Variants in CACNA1C observed in about 807,000 individuals in gnomAD.
CACNA1C encodes the protein voltage-dependent L-type calcium channel subunit alpha-1C.
Under a neutral mutation model 229.0 loss-of-function variants are expected in CACNA1C, and 30 were observed. That is an observed-to-expected ratio of 0.13 (90% confidence interval 0.10 to 0.18). The LOEUF (loss-of-function observed/expected upper bound fraction) is 0.18. Among genes scored for constraint, CACNA1C ranks in the 10% least tolerant of loss-of-function variants. The pLI, the probability that CACNA1C is intolerant of heterozygous loss-of-function variation, is 1.00. For synonymous variants in CACNA1C, 1,114 were observed against 1,132.5 expected (o/e 0.98, Z 0.33); for missense variants, 1,658 against 2,845.0 (o/e 0.58, Z 9.49).
chr12:2,457,258 A>T (rs537878697), intron 4 of CACNA1C, among the ~76,000 whole-genome samples: 34 of 152,332 alleles, frequency 2.2e-4, no homozygotes, highest in African/African-American at 8.2e-4. Context: ...GACTGGCAAC[A>T]GACTTCACCT....
intron 3 of CACNA1C, among the ~76,000 whole-genome samples, chr12:2,340,712 C>T (rs182697219): frequency 2.0e-5 from 3 of 152,300 alleles, no homozygotes; most frequent in African/African-American, 7.2e-5. Context: ...AATCCCAGCA[C>T]TTTGGGAGGC....
intron 3 of CACNA1C, among the ~76,000 whole-genome samples, chr12:2,135,208 C>G (rs919825260): frequency 6.9e-6 from 1 of 144,746 alleles, no homozygotes; most frequent in Non-Finnish European, 1.5e-5. Flanking sequence ...ATACATTCTT[C>G]TAAATTTTTT....
At position 2,597,175 on chromosome 12, in the gene CACNA1C, C is replaced by T. The variant is rs2068717402; in HGVS notation, c.2794-55C>T. 1 of 1,155,868 alleles carries T rather than the reference C, an allele frequency of 8.7e-7. No individual in the cohort carries two copies. Among genetic ancestry groups the T allele is most frequent in the African/African-American group, 1.5e-5 (1 of 66,132 alleles). The allele number at this position is 1,155,868 out of a possible 1,614,324, so 71.6% of individuals were successfully genotyped here. Reference sequence around the variant, plus strand: ...AACATCCACTGACCTCTCTTCCCGTCCTGCTTTTCTCCCTTCCCCATCCCA... The same window carrying T: ...AACATCCACTGACCTCTCTTCCCGTTCTGCTTTTCTCCCTTCCCCATCCCA... On this transcript the variant is annotated intron_variant, in intron 20 of 46. Transcript: ENST00000399655. This position sits in a 1 kb window ranked among gnomAD's most constrained non-coding sequence, Gnocchi z 4.3.
intron 3 of CACNA1C, among the ~76,000 whole-genome samples, chr12:2,281,972 T>C (rs1326668317): frequency 1.3e-5 from 2 of 152,222 alleles, no homozygotes; most frequent in Non-Finnish European, 2.9e-5. Flanking sequence ...TTTAATTCTT[T>C]TTTTTCTATG....
At chr12:2,418,145 T>C (rs111416972) in intron 3 of CACNA1C, among the ~76,000 whole-genome samples, 1,724 of 152,256 alleles carry the variant, frequency 0.011, 32 homozygotes, top group African/African-American at 0.04. Context: ...CATAGACAGA[T>C]AGGCAGAACC....
At chr12:2,525,685 A>G (rs2099817428) in intron 9 of CACNA1C, among the ~76,000 whole-genome samples, 1 of 152,226 alleles carries the variant, frequency 6.6e-6, no homozygotes. Context: ...CTCCTGGGGA[A>G]AAAGTCGAGT....
rs2097785539 is a variant in CACNA1C, at chr12:2,691,298, G to A, written c.*99G>A. 3 of 1,209,904 alleles carry A rather than the reference G, an allele frequency of 2.5e-6. No individual in the cohort carries two copies. Among genetic ancestry groups the A allele is most frequent in the Admixed American group, 3.2e-5 (1 of 30,822 alleles). 74.9% of individuals were successfully genotyped at this position (1,209,904 alleles called of 1,614,324 possible). ...CTGTTCTCGTGACCTGGAGTTAACC[G>A]GAACAGCGTCTTCATTCATTTCTGT... On this transcript the variant is annotated 3_prime_UTR_variant, in exon 47 of 47. Coordinates refer to ENST00000399655, the MANE Select transcript of CACNA1C (RefSeq NM_000719.7).
At chr12:2,499,598 T>A (rs1451032213) in intron 7 of CACNA1C, among the ~76,000 whole-genome samples, 1 of 152,232 alleles carries the variant, frequency 6.6e-6, no homozygotes, top group East Asian at 1.9e-4. Flanking sequence ...ATAGTGTTCA[T>A]TCAATGCTCC....
chr12:2,370,928 C>T (rs540133703), intron 3 of CACNA1C, among the ~76,000 whole-genome samples: 1 of 152,200 alleles, frequency 6.6e-6, no homozygotes, highest in South Asian at 2.1e-4. Flanking sequence ...GTCTGCTCTC[C>T]AAGTTTAAAG....
At chr12:2,020,862 C>A (rs1439209052) in intron 1 of CACNA1C, among the ~76,000 whole-genome samples, 2 of 152,164 alleles carry the variant, frequency 1.3e-5, no homozygotes, top group Non-Finnish European at 2.9e-5. Flanking sequence ...ATGAAGAACT[C>A]ATTAGCTCCT....
In CACNA1C at chr12:2,387,357, C is replaced by T. The variant is rs529501771; in HGVS notation, c.478-61619C>T. Among the ~76,000 whole-genome samples the T allele has an allele frequency of 2.0e-5, 3 of 152,148 alleles. No homozygotes were observed. In the South Asian group the frequency reaches 6.2e-4, roughly 32 times the overall value. ...AAAATTAGTCAGGCGTGGTGGCAGG[C>T]GCCTGTAATCCCAGCCATCCAGGAG... On this transcript the variant is annotated intron_variant, in intron 3 of 46. Coordinates refer to ENST00000399655, the MANE Select transcript of CACNA1C (RefSeq NM_000719.7).
chr12:2,325,408 A>T (rs925288513), intron 3 of CACNA1C, among the ~76,000 whole-genome samples: 6 of 152,236 alleles, frequency 3.9e-5, no homozygotes, highest in Admixed American at 3.9e-4. Context: ...GACTCCTGGA[A>T]CCAATCCTAA....
At chr12:1,991,448 G>T (rs1421047506) in intron 1 of CACNA1C, 1 of 213,438 alleles carries the variant, frequency 4.7e-6, no homozygotes, top group African/African-American at 2.3e-5. Flanking sequence ...AAAATACAAA[G>T]AAGCAAGTGA....
At chr12:2,501,133 C>G (rs113743006) in intron 7 of CACNA1C, among the ~76,000 whole-genome samples, 1 of 136,796 alleles carries the variant, frequency 7.3e-6, no homozygotes, top group South Asian at 2.3e-4. Context: ...GGCATGAACC[C>G]AGGAGGTGGA....
rs756309007 is a variant in CACNA1C at position 2,677,759 on chromosome 12, C to T, written c.4983C>T (p.Ile1661=). The change falls in exon 41 of 47, where the codon ATC becomes ATT. Residue 1661 remains isoleucine (I), a synonymous_variant. Coordinates refer to ENST00000399655, the MANE Select transcript of CACNA1C (RefSeq NM_000719.7). This position sits in a 1 kb window ranked among gnomAD's most constrained non-coding sequence, Gnocchi z 7.4. Reference sequence around the variant, plus strand: ...CTGGCTTGCGCACACTGCATGACATCGGGCCTGAGATCCGACGGGCCATCT... The same window carrying T: ...CTGGCTTGCGCACACTGCATGACATTGGGCCTGAGATCCGACGGGCCATCT... ...LQAGLRTLHD[I]GPEIRRAISG... 6.2e-6 allele frequency: 10 copies of T among 1,613,592 alleles called. No individual in the cohort carries two copies. The highest frequency in any genetic ancestry group is 5.3e-5 in the African/African-American group (4 of 74,924).
intron 3 of CACNA1C, among the ~76,000 whole-genome samples, chr12:2,393,572 CCT>C (rs1479846166): frequency 3.9e-5 from 6 of 152,192 alleles, no homozygotes; most frequent in African/African-American, 1.4e-4. Flanking sequence ...CTTCTCCGAG[CCT>C]CTGTTTCTAG....
At chr12:2,115,638 G>A (rs1045956179) in intron 2 of CACNA1C, 93 bp downstream of exon 2, 167 of 1,270,390 alleles carry the variant, frequency 1.3e-4, no homozygotes, top group Non-Finnish European at 7.1e-5. Context: ...TGTGTCAGCT[G>A]TGCTGGGCTA....
chr12:2,215,957 C>CG lies in CACNA1C; in HGVS notation c.477+95528dup, dbSNP rs1283560611. 1.3e-5 allele frequency among the ~76,000 whole-genome samples: 2 copies of CG among 152,170 alleles called. No individual in the cohort carries two copies. The highest frequency in any genetic ancestry group is 2.9e-5 in the Non-Finnish European group (2 of 68,024). Reference sequence around the variant, plus strand: ...CATCCTGTTCTCGAAGTCACCATGCCGCCCATCAGTTGACATGCTCTGTTG... The same window carrying CG: ...CATCCTGTTCTCGAAGTCACCATGCCGGCCCATCAGTTGACATGCTCTGTTG... On this transcript the variant is annotated intron_variant, in intron 3 of 46. Coordinates refer to ENST00000399655, the MANE Select transcript of CACNA1C (RefSeq NM_000719.7). The surrounding 1 kb of genome is among the most constrained non-coding windows in gnomAD (Gnocchi z 5.0).
At chr12:2,454,315 C>G (rs548423233) in intron 4 of CACNA1C, among the ~76,000 whole-genome samples, 9 of 152,134 alleles carry the variant, frequency 5.9e-5, no homozygotes, top group African/African-American at 2.2e-4. Flanking sequence ...AGCCAATATC[C>G]CTGTCACCAC....
Sources: gnomAD v4.1 joint callset for allele counts (sites outside exome capture counted in the v4.1 genomes callset) on GRCh38, gnomAD v4.1.1 for gene constraint, Gnocchi (gnomAD v3.1) non-coding constraint, MANE v1.5 for transcripts, NCBI Gene and HGNC (gene_info 2026-07-23, HGNC 2026-07-21) for gene names.